The following VPS13B variants were observed in gnomAD, a reference collection of about 807,000 sequenced individuals.
VPS13B encodes the protein intermembrane lipid transfer protein VPS13B.
VPS13B carries 285 observed loss-of-function variants against 426.4 expected under a neutral mutation model. The ratio of observed to expected loss-of-function variants is 0.67; its 90% CI spans 0.61 to 0.74. The LOEUF (loss-of-function observed/expected upper bound fraction) is 0.74. VPS13B is among the 30% of genes least tolerant of loss of function. The probability of loss-of-function intolerance (pLI) is 0.00; values close to 1 mark genes in which losing one functional copy is unlikely to be tolerated. For missense variants in VPS13B, 4,537 were observed against 4,782.6 expected (o/e 0.95, Z 1.51); for synonymous variants, 1,676 against 1,676.4 (o/e 1.00, Z 0.01).
At chr8:99,055,313 T>A (rs531734480) in intron 3 of VPS13B, among the ~76,000 whole-genome samples, 2 of 152,212 alleles carry the variant, frequency 1.3e-5, no homozygotes, top group Non-Finnish European at 2.9e-5. Context: ...GTGCTGTGAT[T>A]ACAGGCGTGA....
chr8:99,571,725 T>A (rs1015848912), intron 31 of VPS13B, among the ~76,000 whole-genome samples: 8 of 152,186 alleles, frequency 5.3e-5, no homozygotes, highest in African/African-American at 1.9e-4. Flanking sequence ...ACATTGGTCA[T>A]TTTATGGAAT....
intron 23 of VPS13B, among the ~76,000 whole-genome samples, chr8:99,464,736 A>T (rs182771092): frequency 8.5e-5 from 13 of 152,268 alleles, no homozygotes; most frequent in Admixed American, 7.2e-4. Context: ...GCGTTGACAC[A>T]TGTAACGCAT....
chr8:99,476,402 G>A (rs1819689390), intron 24 of VPS13B, among the ~76,000 whole-genome samples: 1 of 144,918 alleles, frequency 6.9e-6, no homozygotes, highest in African/African-American at 2.6e-5. Flanking sequence ...CCAAAGGATG[G>A]CTTGATTTTT....
At chr8:99,730,722 G>T (rs1833561863) in intron 39 of VPS13B, among the ~76,000 whole-genome samples, 1 of 151,720 alleles carries the variant, frequency 6.6e-6, no homozygotes, top group South Asian at 2.1e-4. Context: ...TGTAGGTACA[G>T]GTACAGGTAC....
chr8:99,450,585 C>T (rs910175146), intron 23 of VPS13B, among the ~76,000 whole-genome samples: 14 of 151,972 alleles, frequency 9.2e-5, no homozygotes, highest in South Asian at 2.1e-4. Context: ...TGGTGGCGTG[C>T]GCCTGTAGTC....
At chr8:99,769,083 T>C (rs111361114) in intron 40 of VPS13B, among the ~76,000 whole-genome samples, 1,775 of 152,310 alleles carry the variant, frequency 0.012, 31 homozygotes, top group African/African-American at 0.04. Context: ...GTGGAGCCTT[T>C]AGGAAACAGA....
intron 59 of VPS13B, 93 bp from the exon 60 acceptor site, chr8:99,870,692 T>G: frequency 8.4e-7 from 1 of 1,191,408 alleles, no homozygotes; most frequent in Non-Finnish European, 1.3e-6. Context: ...TCTGTAACAT[T>G]TTATGGATGG....
intron 19 of VPS13B, chr8:99,347,062 C>T: frequency 6.5e-6 from 1 of 154,146 alleles, no homozygotes; most frequent in Non-Finnish European, 1.4e-5. Flanking sequence ...ACAATGCCTG[C>T]CATATCCTAT....
chr8:99,845,015 T>C (rs983641337), intron 54 of VPS13B, among the ~76,000 whole-genome samples: 8 of 152,160 alleles, frequency 5.3e-5, no homozygotes, highest in African/African-American at 1.9e-4. Context: ...GTTTATGATC[T>C]ACCTCTCAAG....
chr8:99,188,524 G>A (rs999438601), intron 16 of VPS13B, among the ~76,000 whole-genome samples: 3 of 152,104 alleles, frequency 2.0e-5, no homozygotes, highest in South Asian at 2.1e-4. Flanking sequence ...GAATAGTGCC[G>A]CAATGAACAT....
intron 16 of VPS13B, among the ~76,000 whole-genome samples, chr8:99,173,415 TA>T (rs2132672332): frequency 6.6e-6 from 1 of 152,274 alleles, no homozygotes; most frequent in South Asian, 2.1e-4. Flanking sequence ...AAATTGCCAG[TA>T]ATACTTATTA....
intron 23 of VPS13B, among the ~76,000 whole-genome samples, chr8:99,462,934 C>T (rs1489831950): frequency 6.6e-6 from 1 of 152,136 alleles, no homozygotes; most frequent in Non-Finnish European, 1.5e-5. Context: ...CTAGAACTCC[C>T]AGAGCTCTTA....
Position 99,603,368 on chromosome 8 carries a change from T to A in VPS13B, c.5220+25735T>A, listed in dbSNP as rs143155256. Reference sequence around the variant, plus strand: ...CCTATGTTTTTCCTGCACATACATATCTATGATAAAGTTTAACTTATAAAT... The same window carrying A: ...CCTATGTTTTTCCTGCACATACATAACTATGATAAAGTTTAACTTATAAAT... On this transcript the variant is annotated intron_variant, in intron 33 of 61. Transcript: ENST00000357162. 5.8e-3 allele frequency among the ~76,000 whole-genome samples: 876 copies of A among 152,306 alleles called. 3 individuals carry two copies. Among genetic ancestry groups the A allele is most frequent in the Middle Eastern group, 0.014 (4 of 294 alleles).
At chr8:99,680,078 TC>T (rs1831098618) in intron 35 of VPS13B, among the ~76,000 whole-genome samples, 1 of 152,208 alleles carries the variant, frequency 6.6e-6, no homozygotes, top group Non-Finnish European at 1.5e-5. Flanking sequence ...AAATTTTTTA[TC>T]TTTTGCAAAT....
intron 30 of VPS13B, among the ~76,000 whole-genome samples, chr8:99,541,269 A>T (rs535090386): frequency 9.7e-4 from 148 of 152,262 alleles, no homozygotes; most frequent in African/African-American, 3.3e-3. Context: ...AGTCAACCCT[A>T]TGTGGCTAAA....
chr8:99,212,631 T>G (rs1255320450), intron 17 of VPS13B, among the ~76,000 whole-genome samples: 1 of 152,074 alleles, frequency 6.6e-6, no homozygotes, highest in Non-Finnish European at 1.5e-5. Context: ...TGCATTACCA[T>G]ATGATTTAAG....
In VPS13B at chr8:99,832,641, A is replaced by G. The variant is rs564362618; in HGVS notation, c.9603A>G (p.Gly3201=). The G allele has an allele frequency of 2.4e-5, 38 of 1,613,574 alleles. No homozygotes were observed. The highest frequency in any genetic ancestry group is 3.5e-4 in the Middle Eastern group (2 of 5,710). The change falls in exon 52 of 62, where the codon GGA becomes GGG. Residue 3201 remains glycine (G), a synonymous_variant. Coordinates refer to ENST00000357162, the MANE Select transcript of VPS13B (RefSeq NM_152564.5). Reference sequence around the variant, plus strand: ...CCCTCGGGAATTTCCGGGAAAATGGATTCTGTACCAGGTATTTTATGTTTA... The same window carrying G: ...CCCTCGGGAATTTCCGGGAAAATGGGTTCTGTACCAGGTATTTTATGTTTA... The part of the protein sequence containing the change: ...AVPLGNFREN[G]FCTRAIVLTY...
At chr8:99,795,875 C>T (rs1425961255) in intron 43 of VPS13B, among the ~76,000 whole-genome samples, 1 of 152,174 alleles carries the variant, frequency 6.6e-6, no homozygotes, top group Admixed American at 6.5e-5. Context: ...CTTTTATGTC[C>T]TAGCCTCAGA....
At chr8:99,338,734 G>A (rs1811069450) in intron 19 of VPS13B, among the ~76,000 whole-genome samples, 1 of 152,044 alleles carries the variant, frequency 6.6e-6, no homozygotes, top group Non-Finnish European at 1.5e-5. Context: ...ATATGTTGCA[G>A]AATTTTATTG....
Sources: allele counts gnomAD v4.1 joint callset (sites outside exome capture counted in the v4.1 genomes callset), GRCh38; gene constraint gnomAD v4.1.1; transcripts MANE v1.5; gene names NCBI Gene and HGNC (gene_info 2026-07-23, HGNC 2026-07-21).